PDE1C: variants seen among roughly 807,000 people sequenced by gnomAD.
PDE1C encodes the protein dual specificity calcium/calmodulin-dependent 3',5'-cyclic nucleotide phosphodiesterase 1C.
In PDE1C, 62 loss-of-function variants were observed where a neutral mutation model predicts 93.1. The observed-to-expected ratio is 0.67, with a 90% confidence interval of 0.54 to 0.82. PDE1C has a LOEUF of 0.82. Ranked by LOEUF, PDE1C falls within the 40% of genes least tolerant of loss-of-function variation. PDE1C has a pLI of 0.00. For missense variants in PDE1C, 742 were observed against 884.6 expected, an observed-to-expected ratio of 0.84 and a Z score of 2.04; for synonymous variants, 325 against 310.1, an observed-to-expected ratio of 1.05 and a Z score of -0.50.
intron 2 of PDE1C, among the ~76,000 whole-genome samples, chr7:31,960,608 G>A (rs1185930981): frequency 6.6e-6 from 1 of 152,134 alleles, no homozygotes; most frequent in Non-Finnish European, 1.5e-5. Context: ...AGAGAGTACT[G>A]CTTATCTCAA....
rs375619073 is a variant in PDE1C at position 32,372,867 on chromosome 7, C to T, written c.310+54955G>A. On this transcript the variant is annotated intron_variant, in intron 1 of 1. Transcript: ENST00000672256. ...AATATGCTCATGAAAATATGCTCAA[C>T]ATCATTAGCCATTAGGGAAATGTAA... Among the ~76,000 whole-genome samples, 11 of 152,342 alleles carry T rather than the reference C, an allele frequency of 7.2e-5. No individual in the cohort carries two copies. The East Asian group carries it at 1.5e-3, about 21-fold the overall frequency.
chr7:32,332,111 G>A (rs550797052), intron 1 of PDE1C, among the ~76,000 whole-genome samples: 11 of 151,920 alleles, frequency 7.2e-5, no homozygotes, highest in South Asian at 2.1e-4. Context: ...AATAAATAGC[G>A]AAATCACTGC....
intron 1 of PDE1C, among the ~76,000 whole-genome samples, chr7:32,211,594 G>A (rs566310446): frequency 6.6e-6 from 1 of 151,832 alleles, no homozygotes; most frequent in South Asian, 2.1e-4. Flanking sequence ...AAAAAAGGGG[G>A]GGGTAAGAAA....
intron 1 of PDE1C, among the ~76,000 whole-genome samples, chr7:32,331,668 G>A (rs909565638): frequency 1.4e-4 from 21 of 152,146 alleles, no homozygotes; most frequent in African/African-American, 4.6e-4. Context: ...GAAGTGGGGC[G>A]ATGTGATCCA....
chr7:31,794,513 C>T (rs1785051762), intron 16 of PDE1C, among the ~76,000 whole-genome samples: 1 of 151,966 alleles, frequency 6.6e-6, no homozygotes, highest in Admixed American at 6.6e-5. Context: ...GAACAACTGT[C>T]TCTGTTCTTC....
At chr7:31,926,369 C>A (rs930699963) in intron 2 of PDE1C, among the ~76,000 whole-genome samples, 1 of 152,184 alleles carries the variant, frequency 6.6e-6, no homozygotes, top group African/African-American at 2.4e-5. Flanking sequence ...GATCCTAGCA[C>A]AAAGCAGTCA....
the PDE1C span, among the ~76,000 whole-genome samples, chr7:31,649,874 C>T: frequency 6.6e-6 from 1 of 152,262 alleles, no homozygotes; most frequent in South Asian, 2.1e-4. Flanking sequence ...TGTTCAGCAA[C>T]TACTGACAGC....
intron 1 of PDE1C, among the ~76,000 whole-genome samples, chr7:32,335,716 G>T (rs943162818): frequency 4.8e-5 from 3 of 62,926 alleles, no homozygotes; most frequent in South Asian, 5.2e-4. Flanking sequence ...TTGTTTTTTT[G>T]TTTGTTTGTT....
the PDE1C span, among the ~76,000 whole-genome samples, chr7:31,661,488 G>C: frequency 6.6e-6 from 1 of 152,106 alleles, no homozygotes; most frequent in East Asian, 1.9e-4. Context: ...CCAGGTGGGT[G>C]GATCACCTGA....
chr7:32,026,049 C>T (rs1292795028), intron 2 of PDE1C, among the ~76,000 whole-genome samples: 2 of 151,978 alleles, frequency 1.3e-5, no homozygotes, highest in African/African-American at 4.8e-5. Context: ...CCACACCTCA[C>T]ACACAAGCGT....
intron 1 of PDE1C, among the ~76,000 whole-genome samples, chr7:32,287,678 G>C (rs1309177687): frequency 1.3e-5 from 2 of 152,210 alleles, no homozygotes; most frequent in Non-Finnish European, 2.9e-5. Flanking sequence ...TACGGGTCCA[G>C]AGAAAAGCAA....
At chr7:31,842,981 T>G (rs2128780716) in intron 9 of PDE1C, among the ~76,000 whole-genome samples, 1 of 152,102 alleles carries the variant, frequency 6.6e-6, no homozygotes, top group East Asian at 1.9e-4. Flanking sequence ...TCTGATTACT[T>G]TTTGATCCAC....
chr7:32,147,300 G>GAAAGAAAGAAAGAAAGAAAGAAAAAGAAA (rs1563352791), intron 3 of PDE1C, among the ~76,000 whole-genome samples: 7 of 137,730 alleles, frequency 5.1e-5, no homozygotes, highest in African/African-American at 2.0e-4. Flanking sequence ...AAGAAAGAAA[G>GAAAGAAAGAAAGAAAGAAAGAAAAAGAAA]AAAGAAAGAA....
At chr7:32,174,770 C>T (rs1049479016) in intron 2 of PDE1C, among the ~76,000 whole-genome samples, 1 of 152,094 alleles carries the variant, frequency 6.6e-6, no homozygotes, top group Non-Finnish European at 1.5e-5. Context: ...ACCTGTATTT[C>T]AGAAAGGAGA....
intron 1 of PDE1C, among the ~76,000 whole-genome samples, chr7:32,373,393 A>G (rs1268372949): frequency 1.3e-5 from 2 of 152,262 alleles, no homozygotes; most frequent in Non-Finnish European, 2.9e-5. Context: ...TTCCATTTGT[A>G]TGAAATGTCT....
At chr7:31,691,519 A>G in the PDE1C span, among the ~76,000 whole-genome samples, 12 of 152,104 alleles carry the variant, frequency 7.9e-5, no homozygotes, top group Non-Finnish European at 1.5e-4. Flanking sequence ...AATCTCAGCT[A>G]ATGCATTTCT....
At chr7:32,297,024 G>C (rs1016684473) in intron 1 of PDE1C, among the ~76,000 whole-genome samples, 1 of 152,148 alleles carries the variant, frequency 6.6e-6, no homozygotes, top group African/African-American at 2.4e-5. Flanking sequence ...CTTTCTGATG[G>C]GGATGGAGAG....
intron 1 of PDE1C, among the ~76,000 whole-genome samples, chr7:32,327,117 C>G (rs1470371074): frequency 1.3e-5 from 2 of 152,152 alleles, no homozygotes; most frequent in South Asian, 2.1e-4. Flanking sequence ...CCATTAATAA[C>G]CTCCATTGGC....
intron 2 of PDE1C, among the ~76,000 whole-genome samples, chr7:31,894,997 T>A (rs982612271): frequency 6.6e-6 from 1 of 152,130 alleles, no homozygotes; most frequent in African/African-American, 2.4e-5. Context: ...AGTAAAGAGA[T>A]GACCTCCAAG....
Sources: allele counts gnomAD v4.1 joint callset (sites outside exome capture counted in the v4.1 genomes callset), GRCh38; gene constraint gnomAD v4.1.1; transcripts MANE v1.5; gene names NCBI Gene and HGNC (gene_info 2026-07-23, HGNC 2026-07-21).